CNTN5: variants seen among roughly 807,000 people sequenced by gnomAD.
The protein encoded by CNTN5 is contactin 5.
CNTN5 carries 77 observed loss-of-function variants against 129.1 expected under a neutral mutation model. The observed-to-expected ratio is 0.60, with a 90% CI of 0.50 to 0.72. The LOEUF is 0.72. CNTN5 is among the 30% of genes least tolerant of loss of function. CNTN5 has a pLI of 0.00. For missense variants in CNTN5, 1,478 were observed against 1,328.8 expected (o/e 1.11, Z -1.75); for synonymous variants, 509 against 465.6 (o/e 1.09, Z -1.20).
At chr11:99,835,220 G>C (rs768734268) in intron 4 of CNTN5, among the ~76,000 whole-genome samples, 10 of 152,146 alleles carry the variant, frequency 6.6e-5, no homozygotes, top group Non-Finnish European at 1.2e-4. Context: ...GTTCAAAAAG[G>C]GTATGAAGAG....
At chr11:99,962,566 AT>A in intron 8 of CNTN5, among the ~76,000 whole-genome samples, 1 of 151,578 alleles carries the variant, frequency 6.6e-6, no homozygotes, top group Non-Finnish European at 1.5e-5. Context: ...ATTGTTGGAC[AT>A]TTGGGTTGGT....
chr11:100,158,830 C>A (rs945130761), intron 13 of CNTN5, among the ~76,000 whole-genome samples: 2 of 151,748 alleles, frequency 1.3e-5, no homozygotes, highest in Non-Finnish European at 1.5e-5. Context: ...AACTTTTATG[C>A]AAATATACCA....
intron 9 of CNTN5, among the ~76,000 whole-genome samples, chr11:100,005,835 T>A (rs927975146): frequency 6.6e-6 from 1 of 152,146 alleles, no homozygotes; most frequent in Non-Finnish European, 1.5e-5. Flanking sequence ...ACAAAGAAGA[T>A]CATAAGTACA....
At chr11:100,319,451 C>G (rs1371607012) in intron 21 of CNTN5, among the ~76,000 whole-genome samples, 1 of 152,186 alleles carries the variant, frequency 6.6e-6, no homozygotes. Flanking sequence ...CTGTGCCCAG[C>G]TGACTTCCCT....
chr11:99,173,224 T>C (rs1009699188), intron 1 of CNTN5, among the ~76,000 whole-genome samples: 7 of 152,130 alleles, frequency 4.6e-5, no homozygotes, highest in South Asian at 2.1e-4. Flanking sequence ...CCAAACCATA[T>C]CAATTTTCCC....
chr11:99,041,356 T>C (rs2135137716), intron 1 of CNTN5, among the ~76,000 whole-genome samples: 1 of 152,266 alleles, frequency 6.6e-6, no homozygotes, highest in Non-Finnish European at 1.5e-5. Flanking sequence ...CTAACACATA[T>C]GCAAAGTGGT....
At chr11:99,264,646 A>G (rs1036769737) in intron 1 of CNTN5, among the ~76,000 whole-genome samples, 5 of 152,074 alleles carry the variant, frequency 3.3e-5, no homozygotes, top group Admixed American at 2.0e-4. Flanking sequence ...AATTTGTTCA[A>G]TCGTTTGGAA....
At chr11:99,429,998 A>T (rs1035341271) in intron 2 of CNTN5, among the ~76,000 whole-genome samples, 8 of 152,138 alleles carry the variant, frequency 5.3e-5, no homozygotes, top group Non-Finnish European at 7.4e-5. Context: ...ATATCAAGTA[A>T]CTAAATGCAA....
intron 1 of CNTN5, among the ~76,000 whole-genome samples, chr11:99,028,951 C>A (rs923824047): frequency 2.0e-5 from 3 of 151,594 alleles, no homozygotes; most frequent in Non-Finnish European, 4.4e-5. Flanking sequence ...AATAATATAG[C>A]TAACATAGGG....
intron 1 of CNTN5, among the ~76,000 whole-genome samples, chr11:99,196,885 G>A (rs564844793): frequency 2.6e-5 from 4 of 151,802 alleles, no homozygotes; most frequent in Non-Finnish European, 4.4e-5. Context: ...ATGGATGGAG[G>A]GAGTGAATAA....
chr11:99,929,629 GC>G (rs1421113462), intron 7 of CNTN5, among the ~76,000 whole-genome samples: 1 of 152,120 alleles, frequency 6.6e-6, no homozygotes, highest in Non-Finnish European at 1.5e-5. Flanking sequence ...GGAGGGAAAA[GC>G]CCCTTATAAA....
intron 3 of CNTN5, among the ~76,000 whole-genome samples, chr11:99,796,355 G>T (rs985921536): frequency 1.3e-5 from 2 of 152,084 alleles, no homozygotes; most frequent in African/African-American, 4.8e-5. Context: ...TTGGGGAGGG[G>T]AGGTGATGTC....
chr11:99,767,149 A>G (rs998043211), intron 3 of CNTN5, among the ~76,000 whole-genome samples: 7 of 152,060 alleles, frequency 4.6e-5, no homozygotes, highest in Non-Finnish European at 1.0e-4. Flanking sequence ...CTCTATATCT[A>G]TCATGTATCT....
chr11:100,212,973 A>C (rs1565346412), intron 15 of CNTN5, among the ~76,000 whole-genome samples: 1 of 152,136 alleles, frequency 6.6e-6, no homozygotes, highest in Non-Finnish European at 1.5e-5. Flanking sequence ...GAGGAACTTC[A>C]AACTGGAAAA....
At chr11:99,215,135 T>C (rs902784476) in intron 1 of CNTN5, among the ~76,000 whole-genome samples, 1 of 152,170 alleles carries the variant, frequency 6.6e-6, no homozygotes, top group Non-Finnish European at 1.5e-5. Context: ...TACTTGAGAA[T>C]GGAAATTAAA....
intron 2 of CNTN5, among the ~76,000 whole-genome samples, chr11:99,383,596 CTT>C (rs34782381): frequency 1.4e-3 from 207 of 145,176 alleles, no homozygotes; most frequent in African/African-American, 4.7e-3. Context: ...TGAGAAGCTG[CTT>C]TTTTTTTTTT....
At chr11:99,996,360 C>G (rs1352750589) in intron 8 of CNTN5, among the ~76,000 whole-genome samples, 3 of 152,144 alleles carry the variant, frequency 2.0e-5, no homozygotes, top group Non-Finnish European at 4.4e-5. Context: ...ACCACTGTAG[C>G]TCCAAAACAG....
intron 8 of CNTN5, among the ~76,000 whole-genome samples, chr11:99,999,263 A>C (rs551325287): frequency 1.3e-5 from 2 of 152,340 alleles, no homozygotes; most frequent in Admixed American, 6.5e-5. Context: ...CTCATCTGAC[A>C]AAGGGCTAAT....
In CNTN5 at chr11:99,886,201, A is replaced by G. The variant is rs142730523; in HGVS notation, c.578-29853A>G. On this transcript the variant is annotated intron_variant, in intron 6 of 24. Coordinates refer to ENST00000524871, the MANE Select transcript of CNTN5 (RefSeq NM_014361.4). ...ATGTTTCACTGTAATATATTCACAT[A>G]TTCAGTTGCATTCATATTAATAACT... Among the ~76,000 whole-genome samples, 1,064 of 152,156 alleles carry G rather than the reference A, an allele frequency of 7.0e-3. 17 individuals are homozygous for G. The highest frequency in any genetic ancestry group is 0.025 in the African/African-American group (1,023 of 41,576).
Sources: gnomAD v4.1 joint callset for allele counts (sites outside exome capture counted in the v4.1 genomes callset) on GRCh38, gnomAD v4.1.1 for gene constraint, MANE v1.5 for transcripts, NCBI Gene and HGNC (gene_info 2026-07-23, HGNC 2026-07-21) for gene names.